Variants in ELMO1 observed in about 807,000 individuals in gnomAD.
The protein encoded by ELMO1 is engulfment and cell motility protein 1.
ELMO1 carries 26 observed loss-of-function variants against 98.9 expected under a neutral mutation model. The ratio of observed to expected loss-of-function variants is 0.26; its 90% CI spans 0.19 to 0.36. ELMO1 has a LOEUF of 0.36. ELMO1 is among the 10% of genes least tolerant of loss of function. The pLI, the probability that ELMO1 is intolerant of heterozygous loss-of-function variation, is 1.00. For missense variants in ELMO1, 627 were observed against 935.2 expected (o/e 0.67, Z 4.30); for synonymous variants, 346 against 346.0 (o/e 1.00, Z 0.00).
chr7:36,961,619 A>G (rs1054154199), intron 16 of ELMO1, among the ~76,000 whole-genome samples: 1 of 152,236 alleles, frequency 6.6e-6, no homozygotes, highest in African/African-American at 2.4e-5. Flanking sequence ...GAAACATCTA[A>G]CTGCTCAAAA....
rs955693026 is a variant in ELMO1 at position 37,378,816 on chromosome 7, C to A, written c.-73-36053G>T. 2.6e-5 allele frequency among the ~76,000 whole-genome samples: 4 copies of A among 152,016 alleles called. No homozygotes were observed. The South Asian group carries it at 8.3e-4, about 32-fold the overall frequency. Reference sequence around the variant, plus strand: ...GATCCGACCTTGTGAGTATCTCTTCCAAACCTATCTTCTCCTTTCACCGCT... The same window carrying A: ...GATCCGACCTTGTGAGTATCTCTTCAAAACCTATCTTCTCCTTTCACCGCT... On this transcript the variant is annotated intron_variant, in intron 1 of 21. Coordinates refer to ENST00000310758, the MANE Select transcript of ELMO1 (RefSeq NM_014800.11).
At chr7:37,255,898 G>A (rs540846254) in intron 6 of ELMO1, among the ~76,000 whole-genome samples, 2 of 152,148 alleles carry the variant, frequency 1.3e-5, no homozygotes, top group Non-Finnish European at 2.9e-5. Flanking sequence ...CAGAAGCCGT[G>A]GGGGGTATGT....
At chr7:36,912,693 T>C (rs1784420889) in intron 16 of ELMO1, among the ~76,000 whole-genome samples, 1 of 152,204 alleles carries the variant, frequency 6.6e-6, no homozygotes, top group Admixed American at 6.5e-5. Flanking sequence ...TAAGGCATTT[T>C]AGTGATATAG....
At chr7:36,887,202 G>T (rs181558659) in intron 18 of ELMO1, among the ~76,000 whole-genome samples, 73 of 152,308 alleles carry the variant, frequency 4.8e-4, no homozygotes, top group African/African-American at 1.7e-3. Context: ...ATAAAGTAAT[G>T]CATTGTAACA....
At chr7:36,895,285 G>A (rs1414664155) in intron 16 of ELMO1, among the ~76,000 whole-genome samples, 3 of 152,190 alleles carry the variant, frequency 2.0e-5, no homozygotes, top group African/African-American at 4.8e-5. Flanking sequence ...TACTCCACTT[G>A]CTTGACACAT....
chr7:37,423,762 G>A (rs1385151614), intron 1 of ELMO1, among the ~76,000 whole-genome samples: 4 of 152,106 alleles, frequency 2.6e-5, no homozygotes, highest in African/African-American at 9.7e-5. Context: ...GGGAAATACG[G>A]ACTTGGGAAA....
chr7:37,192,887 T>C (rs932024313), intron 13 of ELMO1, among the ~76,000 whole-genome samples: 7 of 145,884 alleles, frequency 4.8e-5, no homozygotes, highest in Non-Finnish European at 1.0e-4. Flanking sequence ...ATATATGATA[T>C]ATATTTATCT....
At chr7:37,262,736 G>A (rs1036217447) in intron 5 of ELMO1, among the ~76,000 whole-genome samples, 5 of 152,202 alleles carry the variant, frequency 3.3e-5, no homozygotes, top group Admixed American at 3.3e-4. Context: ...GCCAGGTGGC[G>A]AGGGGACCAT....
rs182230510 is a variant in ELMO1, at chr7:37,082,396, T to C, written c.1300+14223A>G. 1.4e-4 allele frequency among the ~76,000 whole-genome samples: 22 copies of C among 152,274 alleles called. No homozygotes were observed. The East Asian group carries it at 3.7e-3, about 25-fold the overall frequency. ...GTTGATATTTCAAAGGAGAAAAACA[T>C]GCAGAATGAGAAAAGCATATTTCAC... is the stretch of plus-strand genomic sequence containing the variant. On this transcript the variant is annotated intron_variant, in intron 15 of 21. Coordinates refer to ENST00000310758, the MANE Select transcript of ELMO1 (RefSeq NM_014800.11).
At chr7:37,139,367 G>A (rs1457639272) in intron 13 of ELMO1, among the ~76,000 whole-genome samples, 1 of 152,184 alleles carries the variant, frequency 6.6e-6, no homozygotes, top group Non-Finnish European at 1.5e-5. Context: ...AATAAATTCA[G>A]TAAAGTTTTA....
intron 16 of ELMO1, among the ~76,000 whole-genome samples, chr7:36,956,653 G>C (rs1246536394): frequency 1.3e-5 from 2 of 152,212 alleles, no homozygotes; most frequent in South Asian, 2.1e-4. Context: ...ATGCCATCTT[G>C]TGACAGCTTA....
intron 4 of ELMO1, among the ~76,000 whole-genome samples, chr7:37,287,828 C>T (rs1301877618): frequency 6.6e-6 from 1 of 152,218 alleles, no homozygotes; most frequent in Non-Finnish European, 1.5e-5. Context: ...CTATCCTGTT[C>T]CCTTTTGTTC....
chr7:37,050,638 ACACACACACACACACAC>A (rs1796051880), intron 15 of ELMO1, among the ~76,000 whole-genome samples: 2 of 151,232 alleles, frequency 1.3e-5, no homozygotes, highest in African/African-American at 4.9e-5. Context: ...ACACACACAC[ACACACACACACACACAC>A]ACACAAAAGG....
intron 4 of ELMO1, among the ~76,000 whole-genome samples, chr7:37,293,725 A>T (rs1371091671): frequency 3.5e-5 from 3 of 85,050 alleles, no homozygotes; most frequent in African/African-American, 1.1e-4. Context: ...TAAAAAAAAA[A>T]ATAATAATAA....
At chr7:36,907,076 T>C (rs1438281443) in intron 16 of ELMO1, among the ~76,000 whole-genome samples, 1 of 152,098 alleles carries the variant, frequency 6.6e-6, no homozygotes, top group East Asian at 1.9e-4. Context: ...TTAAAATCCC[T>C]CATACCTGGA....
At chr7:37,035,081 C>T (rs1234015438) in intron 15 of ELMO1, among the ~76,000 whole-genome samples, 2 of 152,128 alleles carry the variant, frequency 1.3e-5, no homozygotes, top group Admixed American at 1.3e-4. Context: ...CAATAGATTC[C>T]TTGGTGGCAT....
intron 13 of ELMO1, among the ~76,000 whole-genome samples, chr7:37,188,501 A>AATAAAT (rs1554438183): frequency 1.6e-5 from 2 of 125,942 alleles, no homozygotes; most frequent in Admixed American, 1.7e-4. Flanking sequence ...AAAAAAAAAA[A>AATAAAT]AATAATAATA....
At chr7:37,035,485 C>T (rs2129189498) in intron 15 of ELMO1, among the ~76,000 whole-genome samples, 1 of 152,322 alleles carries the variant, frequency 6.6e-6, no homozygotes, top group African/African-American at 2.4e-5. Flanking sequence ...TTTGTACCTG[C>T]TGCATAACTG....
intron 16 of ELMO1, among the ~76,000 whole-genome samples, chr7:36,954,608 G>A (rs1788288060): frequency 6.6e-6 from 1 of 152,132 alleles, no homozygotes; most frequent in South Asian, 2.1e-4. Flanking sequence ...ATCTCAGCTG[G>A]GGTGCCTGTC....
Sources: allele counts gnomAD v4.1 joint callset (sites outside exome capture counted in the v4.1 genomes callset), GRCh38; gene constraint gnomAD v4.1.1; transcripts MANE v1.5; gene names NCBI Gene and HGNC (gene_info 2026-07-23, HGNC 2026-07-21).